The following SLC13A4 variants were observed in gnomAD, a reference collection of about 807,000 sequenced individuals.
SLC13A4 encodes the protein solute carrier family 13 member 4.
Under a neutral mutation model 72.7 loss-of-function variants are expected in SLC13A4, and 28 were observed. The ratio of observed to expected loss-of-function variants is 0.39; its 90% confidence interval spans 0.29 to 0.53. The LOEUF (loss-of-function observed/expected upper bound fraction) is 0.53, where lower values mean the gene tolerates loss of function less well. SLC13A4 is among the 20% of genes least tolerant of loss of function. The pLI, the probability that SLC13A4 is intolerant of heterozygous loss-of-function variation, is 0.78. For missense variants in SLC13A4, 653 were observed against 788.0 expected (o/e 0.83, Z 2.05); for synonymous variants, 312 against 325.5 (o/e 0.96, Z 0.45).
At position 135,705,658 on chromosome 7, in the gene SLC13A4, T is replaced by C; in HGVS notation, c.539-8A>G. 6.2e-7 allele frequency: 1 copy of C among 1,613,606 alleles called. No individual in the cohort carries two copies. The highest frequency in any genetic ancestry group is 8.5e-7 in the Non-Finnish European group (1 of 1,179,574). On this transcript the variant is annotated splice_region_variant and splice_polypyrimidine_tract_variant and intron_variant, in intron 4 of 15. Transcript: ENST00000682651. The stretch of plus-strand genomic sequence containing the variant: ...TGTTCTTTACATCCAGACCTATGAG[T>C]AGCAAAGAAAAGCAGTATGTGAGAG...
intron 1 of SLC13A4, among the ~76,000 whole-genome samples, chr7:135,725,939 G>A (rs777760179): frequency 1.6e-4 from 24 of 152,100 alleles, no homozygotes; most frequent in Non-Finnish European, 2.4e-4. Context: ...ACCGCACTCC[G>A]GACTGGGTGA....
intron 2 of SLC13A4, among the ~76,000 whole-genome samples, 200 bp downstream of exon 2, chr7:135,721,195 G>T (rs1448307895): frequency 2.6e-5 from 4 of 152,202 alleles, no homozygotes; most frequent in Non-Finnish European, 5.9e-5. Context: ...CCAGTTTGAA[G>T]GAGATGAGGA....
chr7:135,710,209 A>ATGTACATTTAC (rs550488306), intron 2 of SLC13A4, among the ~76,000 whole-genome samples: 60 of 152,346 alleles, frequency 3.9e-4, no homozygotes, highest in Admixed American at 1.2e-3. Context: ...ATTTGAAATA[A>ATGTACATTTAC]TATGTACATG....
At chr7:135,701,555 G>T in intron 7 of SLC13A4, 125 bp downstream of exon 7, 1 of 905,490 alleles carries the variant, frequency 1.1e-6, no homozygotes, top group Non-Finnish European at 1.8e-6. Flanking sequence ...ACATGTATGA[G>T]AGTAATGAGT....
In SLC13A4 at chr7:135,701,770, C is replaced by T. The variant is rs755866670; in HGVS notation, c.634-10G>A. 2.1e-5 allele frequency: 34 copies of T among 1,612,874 alleles called. No individual in the cohort carries two copies. The Admixed American group carries it at 5.4e-4, about 25-fold the overall frequency. On this transcript the variant is annotated splice_polypyrimidine_tract_variant and intron_variant, in intron 6 of 15. Coordinates refer to ENST00000682651, the MANE Select transcript of SLC13A4 (RefSeq NM_001318192.2). ...GCACACCATTCAGGTTCTGTTGGGA[C>T]AAAGGCCATCTCACTATTAGGAAGA...
chr7:135,697,332 C>T (rs1242813091), intron 8 of SLC13A4, among the ~76,000 whole-genome samples: 1 of 152,200 alleles, frequency 6.6e-6, no homozygotes, highest in East Asian at 1.9e-4. Flanking sequence ...TCCAACACCC[C>T]ATACTTCCTC....
intron 10 of SLC13A4, among the ~76,000 whole-genome samples, chr7:135,693,611 A>G (rs1446561228): frequency 6.6e-6 from 1 of 152,184 alleles, no homozygotes; most frequent in Non-Finnish European, 1.5e-5. Flanking sequence ...ATAAAAGGAG[A>G]AATAGCACTA....
chr7:135,695,551 A>G (rs1036872719), intron 8 of SLC13A4, 64 bp from the exon 9 acceptor site: 21 of 1,551,738 alleles, frequency 1.4e-5, no homozygotes, highest in Non-Finnish European at 1.7e-5. Flanking sequence ...ATTTTGGGGT[A>G]GTATGCCAAA....
intron 3 of SLC13A4, 83 bp downstream of exon 3, chr7:135,708,031 G>A (rs530055143): frequency 7.9e-6 from 12 of 1,522,632 alleles, no homozygotes; most frequent in Admixed American, 3.6e-5. Flanking sequence ...TGGACATCCC[G>A]CAGTGACCTG....
intron 2 of SLC13A4, among the ~76,000 whole-genome samples, chr7:135,719,511 A>G (rs1796497343): frequency 1.3e-5 from 2 of 152,106 alleles, no homozygotes; most frequent in Admixed American, 6.5e-5. Context: ...AAGCCTGGAG[A>G]ACAAGCTTGT....
At chr7:135,687,467 T>C (rs1795658541) in intron 13 of SLC13A4, among the ~76,000 whole-genome samples, 1 of 152,260 alleles carries the variant, frequency 6.6e-6, no homozygotes. Flanking sequence ...TACAGTACCC[T>C]GGCCACCTCC....
chr7:135,721,060 C>T (rs2129495438), intron 2 of SLC13A4, among the ~76,000 whole-genome samples: 1 of 152,228 alleles, frequency 6.6e-6, no homozygotes, highest in South Asian at 2.1e-4. Context: ...CATCCAGAGT[C>T]TGAAAAAGGT....
chr7:135,709,286 A>G (rs987325525), intron 2 of SLC13A4, among the ~76,000 whole-genome samples: 2 of 152,046 alleles, frequency 1.3e-5, no homozygotes, highest in African/African-American at 2.4e-5. Context: ...ATGAATTCCA[A>G]AAATGAAAAT....
Position 135,685,781 on chromosome 7 carries a change from C to T in SLC13A4, c.1447-98G>A, listed in dbSNP as rs1238298863. 27 of 1,061,662 alleles carry T rather than the reference C, an allele frequency of 2.5e-5. 1 individual carries two copies. The highest frequency in any genetic ancestry group is 1.4e-4 in the South Asian group (9 of 66,290). 65.8% of individuals were successfully genotyped at this position (1,061,662 alleles called of 1,614,324 possible). ...AGGTCAGGGATGTTGGAAGGCTGGA[C>T]GACCAGGGATCCTCTGATCTTTAGT... On this transcript the variant is annotated intron_variant, in intron 13 of 15. Coordinates refer to ENST00000682651, the MANE Select transcript of SLC13A4 (RefSeq NM_001318192.2).
intron 2 of SLC13A4, among the ~76,000 whole-genome samples, chr7:135,711,034 G>A (rs570803888): frequency 1.3e-5 from 2 of 152,192 alleles, no homozygotes; most frequent in Non-Finnish European, 2.9e-5. Flanking sequence ...GCGGGAGCAG[G>A]AGGCACTGCA....
At chr7:135,726,582 GGGAA>G (rs1218941564) in intron 1 of SLC13A4, among the ~76,000 whole-genome samples, 2 of 152,156 alleles carry the variant, frequency 1.3e-5, no homozygotes, top group African/African-American at 2.4e-5. Flanking sequence ...GGGAAGGGAA[GGGAA>G]GCAGGTGACC....
intron 1 of SLC13A4, 55 bp downstream of exon 1, chr7:135,727,343 C>G (rs1200228488): frequency 1.3e-6 from 2 of 1,535,650 alleles, no homozygotes; most frequent in Non-Finnish European, 1.8e-6. Flanking sequence ...CCGACCTCCC[C>G]TCTTTGCCCT....
intron 2 of SLC13A4, among the ~76,000 whole-genome samples, chr7:135,720,571 A>C (rs1265075786): frequency 2.0e-5 from 3 of 151,346 alleles, no homozygotes; most frequent in East Asian, 1.9e-4. Context: ...AAAAAAAAAA[A>C]AAACCAAAAA....
intron 1 of SLC13A4, among the ~76,000 whole-genome samples, chr7:135,725,524 G>C (rs1162563049): frequency 6.6e-6 from 1 of 152,126 alleles, no homozygotes; most frequent in Non-Finnish European, 1.5e-5. Flanking sequence ...AGGTCATTTT[G>C]ACTCCTCCTA....
Sources: allele counts gnomAD v4.1 joint callset (sites outside exome capture counted in the v4.1 genomes callset), GRCh38; gene constraint gnomAD v4.1.1; transcripts MANE v1.5; gene names NCBI Gene and HGNC (gene_info 2026-07-23, HGNC 2026-07-21).